TMX2: variants seen among roughly 807,000 people sequenced by gnomAD.
TMX2 encodes the protein thioredoxin related transmembrane protein 2, also known as thioredoxin-related transmembrane protein 2.
A neutral mutation model predicts 33.4 loss-of-function variants in TMX2; 20 were observed. The observed-to-expected ratio is 0.60, with a 90% confidence interval of 0.42 to 0.87. TMX2 has a LOEUF of 0.87. Among genes scored for constraint, TMX2 ranks in the 40% least tolerant of loss-of-function variants. TMX2 has a pLI of 0.00. For synonymous variants in TMX2, 166 were observed against 140.7 expected (o/e 1.18, Z -1.27); for missense variants, 340 against 370.7 (o/e 0.92, Z 0.68).
In TMX2 at chr11:57,712,609, G is replaced by A. The variant is rs746447756; in HGVS notation, c.-10G>A. ...GACGCCGGCGAGCAGTGGCCGTTAC[G>A]GCCGAAAAGATGGCGGTCTTGGCAC... is the stretch of plus-strand genomic sequence containing the variant. On this transcript the variant is annotated 5_prime_UTR_variant, in exon 1 of 8. Coordinates refer to ENST00000278422, the MANE Select transcript of TMX2 (RefSeq NM_015959.4). The A allele has an allele frequency of 2.5e-6, 4 of 1,603,368 alleles. No homozygotes were observed. Among genetic ancestry groups the A allele is most frequent in the Non-Finnish European group, 3.4e-6 (4 of 1,173,098 alleles).
chr11:57,739,351 T>C (rs1056438706), intron 7 of TMX2, 91 bp downstream of exon 7: 19 of 1,397,322 alleles, frequency 1.4e-5, no homozygotes, highest in East Asian at 1.2e-4. Context: ...GCTCTGCCAC[T>C]TGCCCATTAG....
At chr11:57,730,302 C>T (rs1452030786) in intron 1 of TMX2, among the ~76,000 whole-genome samples, 2 of 149,128 alleles carry the variant, frequency 1.3e-5, no homozygotes, top group African/African-American at 2.5e-5. Flanking sequence ...TGGTGGGCGC[C>T]TATAATCCCA....
At chr11:57,717,286 C>A (rs1393628814) in intron 1 of TMX2, among the ~76,000 whole-genome samples, 1 of 152,102 alleles carries the variant, frequency 6.6e-6, no homozygotes, top group Non-Finnish European at 1.5e-5. Flanking sequence ...ACGCTCCTCA[C>A]TTCCCAGACA....
At chr11:57,735,193 C>A (rs1047445155) in intron 1 of TMX2, among the ~76,000 whole-genome samples, 20 of 151,830 alleles carry the variant, frequency 1.3e-4, no homozygotes, top group Non-Finnish European at 8.8e-5. Flanking sequence ...GTCTGTCATG[C>A]TCCCTCACCC....
In TMX2 at chr11:57,738,765, C is replaced by T; in HGVS notation, c.543C>T (p.Ser181=). Residue 181 remains serine, a synonymous_variant, in exon 5 of 8, where the codon TCC becomes TCT. Transcript: ENST00000278422. ...QSFAPIYADL[S]LKYNCTGLNF... is the part of the protein sequence containing the mutation. ...TTGCCCCTATCTATGCTGACCTCTC[C>T]CTTAAGTGAGTAGTGCAAAGGGAGG... 6.2e-7 allele frequency: 1 copy of T among 1,613,220 alleles called. No homozygotes were observed. Among genetic ancestry groups the T allele is most frequent in the South Asian group, 1.1e-5 (1 of 91,054 alleles).
rs553748058 is a variant in TMX2 at position 57,740,843 on chromosome 11, G to C, written c.*598G>C. 6.6e-6 allele frequency: 1 copy of C among 152,346 alleles called. No homozygotes were observed. Among genetic ancestry groups the C allele is most frequent in the Non-Finnish European group, 1.5e-5 (1 of 68,126 alleles). The allele number at this position is 152,346 out of a possible 1,614,324, so 9.4% of individuals were successfully genotyped here. On this transcript the variant is annotated 3_prime_UTR_variant, in exon 8 of 8. Coordinates refer to ENST00000278422, the MANE Select transcript of TMX2 (RefSeq NM_015959.4). ...TGTGGGGATTGAGAAGGGGTGAATA[G>C]AGGCTTGAGACTTTCCTTTGTGTGG...
chr11:57,718,425 GAA>G, intron 1 of TMX2: 1 of 1,279,564 alleles, frequency 7.8e-7, no homozygotes, highest in Non-Finnish European at 1.1e-6. Flanking sequence ...CTCAGAGCAC[GAA>G]AGTTTTCTGT....
At chr11:57,735,722 T>G (rs1445162087) in intron 1 of TMX2, among the ~76,000 whole-genome samples, 1 of 152,300 alleles carries the variant, frequency 6.6e-6, no homozygotes, top group East Asian at 1.9e-4. Flanking sequence ...ACGTGCATGC[T>G]CAGTTGAGCT....
chr11:57,712,711 G>A lies in TMX2; in HGVS notation c.93G>A (p.Leu31=). 6.2e-7 allele frequency: 1 copy of A among 1,614,162 alleles called. No homozygotes were observed. Among genetic ancestry groups the A allele is most frequent in the Non-Finnish European group, 8.5e-7 (1 of 1,180,034 alleles). Residue 31 remains leucine, a synonymous_variant, in exon 1 of 8, where the codon CTG becomes CTA. Transcript: ENST00000278422. ...AACCTTACTACCTTCTGTCGGCCCT[G>A]CTCTCTGCTGCCTTCCTACTCGTGA... ...LAQPYYLLSA[L]LSAAFLLVRK...
At chr11:57,736,132 CAAG>C (rs1348348525) in intron 1 of TMX2, among the ~76,000 whole-genome samples, 1 of 152,250 alleles carries the variant, frequency 6.6e-6, no homozygotes, top group African/African-American at 2.4e-5. Flanking sequence ...TCCCCTTAGT[CAAG>C]AAGGAGTCTG....
chr11:57,727,549 T>A (rs1948086109), intron 1 of TMX2, among the ~76,000 whole-genome samples: 1 of 152,208 alleles, frequency 6.6e-6, no homozygotes, highest in African/African-American at 2.4e-5. Flanking sequence ...TGGGTTTTAT[T>A]TAACCCTGGA....
chr11:57,726,089 A>G (rs1168539376), intron 1 of TMX2, among the ~76,000 whole-genome samples: 1 of 152,114 alleles, frequency 6.6e-6, no homozygotes, highest in African/African-American at 2.4e-5. Context: ...ACAGAAACCA[A>G]GCTTACAGTA....
chr11:57,715,023 C>T (rs577898137), intron 1 of TMX2, among the ~76,000 whole-genome samples: 1 of 152,146 alleles, frequency 6.6e-6, no homozygotes, highest in South Asian at 2.1e-4. Flanking sequence ...AAATTTTTAC[C>T]CAGTCCGGTG....
At chr11:57,723,849 C>T (rs545374987) in intron 1 of TMX2, among the ~76,000 whole-genome samples, 19 of 123,994 alleles carry the variant, frequency 1.5e-4, no homozygotes, top group African/African-American at 3.9e-4. Flanking sequence ...CTAAGAGTTG[C>T]TTTATAATGA....
intron 1 of TMX2, among the ~76,000 whole-genome samples, chr11:57,726,557 A>C (rs921329877): frequency 5.3e-5 from 8 of 151,598 alleles, no homozygotes; most frequent in Admixed American, 5.3e-4. Flanking sequence ...AAAACAATTG[A>C]CTATAAGTCT....
intron 1 of TMX2, among the ~76,000 whole-genome samples, chr11:57,730,540 C>A (rs1948307960): frequency 6.7e-6 from 1 of 148,270 alleles, no homozygotes; most frequent in Non-Finnish European, 1.5e-5. Context: ...AGTTCAAGAT[C>A]AGCCTGGCCA....
intron 1 of TMX2, among the ~76,000 whole-genome samples, chr11:57,721,020 T>TC (rs1260352374): frequency 6.6e-6 from 1 of 151,908 alleles, no homozygotes; most frequent in Non-Finnish European, 1.5e-5. Flanking sequence ...TTTTTTTTTT[T>TC]TCCTCAGGCC....
At chr11:57,724,789 C>G (rs547739475) in intron 1 of TMX2, among the ~76,000 whole-genome samples, 14 of 152,160 alleles carry the variant, frequency 9.2e-5, no homozygotes, top group Middle Eastern at 3.4e-3. Context: ...CCTGTAATCC[C>G]AGCACTTTGG....
chr11:57,737,638 G>A lies in TMX2; in HGVS notation c.220G>A (p.Ala74Thr). The A allele has an allele frequency of 6.2e-7, 1 of 1,614,090 alleles. No individual in the cohort carries two copies. Among genetic ancestry groups the A allele is most frequent in the Non-Finnish European group, 8.5e-7 (1 of 1,179,984 alleles). Reference protein sequence around the residue: ...REVEILMFLSAIVMMKNRRSI... With the variant: ...REVEILMFLSTIVMMKNRRSI... The stretch of plus-strand genomic sequence containing the variant: ...AGTGGAGATCCTGATGTTTCTCAGT[G>A]CCATTGTGATGATGAAGAACCGCAG... Residue 74 changes from alanine (A) to threonine (T), a missense_variant, in exon 2 of 8, where the codon GCC becomes ACC. Ala to Thr is a moderately conservative substitution (Grantham distance 58). Transcript: ENST00000278422.
Sources: gnomAD v4.1 joint callset for allele counts (sites outside exome capture counted in the v4.1 genomes callset) on GRCh38, gnomAD v4.1.1 for gene constraint, MANE v1.5 for transcripts, NCBI Gene and HGNC (gene_info 2026-07-23, HGNC 2026-07-21) for gene names.